PTPRD: variants seen among roughly 807,000 people sequenced by gnomAD.
PTPRD encodes protein tyrosine phosphatase receptor type D, also known as receptor-type tyrosine-protein phosphatase delta.
In PTPRD, 34 loss-of-function variants were observed where a neutral mutation model predicts 214.5. That is an observed-to-expected ratio of 0.16 (90% confidence interval 0.12 to 0.21). PTPRD has a LOEUF of 0.21. PTPRD is among the 10% of genes least tolerant of loss of function. The pLI is 1.00. For missense variants in PTPRD, 2,545 were observed against 2,398.7 expected (o/e 1.06, Z -1.27); for synonymous variants, 1,128 against 845.7 (o/e 1.33, Z -5.79).
chr9:9,762,612 C>A (rs1362632253), intron 6 of PTPRD, among the ~76,000 whole-genome samples: 1 of 152,206 alleles, frequency 6.6e-6, no homozygotes, highest in Non-Finnish European at 1.5e-5. Flanking sequence ...GAACACTATT[C>A]AGCCAAGTTC....
At chr9:10,428,515 C>T (rs894505079) in intron 2 of PTPRD, among the ~76,000 whole-genome samples, 39 of 152,020 alleles carry the variant, frequency 2.6e-4, no homozygotes, top group African/African-American at 8.7e-4. Flanking sequence ...CCTATGTTTA[C>T]TTTATATTTT....
chr9:10,432,436 TAAAA>T (rs377048656), intron 2 of PTPRD, among the ~76,000 whole-genome samples: 1 of 147,356 alleles, frequency 6.8e-6, no homozygotes, highest in South Asian at 2.2e-4. Flanking sequence ...TAAAGTATAA[TAAAA>T]AAAAAAGAAA....
intron 2 of PTPRD, among the ~76,000 whole-genome samples, chr9:10,407,796 C>T (rs1007804316): frequency 6.6e-6 from 1 of 151,402 alleles, no homozygotes; most frequent in Non-Finnish European, 1.5e-5. Flanking sequence ...AAATGGTAAC[C>T]TGCTAGAAGG....
chr9:8,436,839 G>A (rs910165225), intron 34 of PTPRD, 150 bp from the exon 35 acceptor site: 1 of 652,226 alleles, frequency 1.5e-6, no homozygotes, highest in African/African-American at 1.8e-5. Context: ...CAAATAGTTT[G>A]GTTACTCAAA....
At chr9:9,119,556 G>C (rs2099815629) in intron 10 of PTPRD, among the ~76,000 whole-genome samples, 1 of 149,488 alleles carries the variant, frequency 6.7e-6, no homozygotes, top group African/African-American at 2.5e-5. Context: ...TTTTTAAGAA[G>C]TCTCAGTCTG....
At chr9:10,217,078 G>C (rs1457558596) in intron 3 of PTPRD, among the ~76,000 whole-genome samples, 1 of 151,782 alleles carries the variant, frequency 6.6e-6, no homozygotes, top group East Asian at 1.9e-4. Flanking sequence ...TCATTTACTT[G>C]ACTCTTCTGT....
intron 14 of PTPRD, among the ~76,000 whole-genome samples, chr9:8,553,432 C>A (rs1777829381): frequency 6.6e-6 from 1 of 152,136 alleles, no homozygotes; most frequent in Non-Finnish European, 1.5e-5. Flanking sequence ...CATGTATCTT[C>A]TGATAAGTTG....
rs1245102847 is a variant in PTPRD at position 8,329,956 on chromosome 9, GGA to G, written c.5534+1624_5534+1625del. Among the ~76,000 whole-genome samples the G allele has an allele frequency of 3.8e-4, 21 of 55,344 alleles. No homozygotes were observed. The African/African-American group carries it at 1.0e-2, about 26-fold the overall frequency. The allele number at this position is 55,344 out of a possible 152,430, so 36.3% of individuals were successfully genotyped here. On this transcript the variant is annotated intron_variant, in intron 44 of 45. Coordinates refer to ENST00000381196, the MANE Select transcript of PTPRD (RefSeq NM_002839.4). Reference sequence around the variant, plus strand: ...GGATCGTATCTTGCTGGGCTCTGTGGGAGTGGATCGTATCTTGCTGGGCTCTG... The same window carrying G: ...GGATCGTATCTTGCTGGGCTCTGTGGGTGGATCGTATCTTGCTGGGCTCTG...
chr9:8,612,122 C>G (rs1420817470), intron 14 of PTPRD, among the ~76,000 whole-genome samples: 1 of 150,684 alleles, frequency 6.6e-6, no homozygotes, highest in Non-Finnish European at 1.5e-5. Flanking sequence ...GAAAACAAAA[C>G]AAAACAAAAC....
At chr9:10,411,213 TC>T (rs1267012163) in intron 2 of PTPRD, among the ~76,000 whole-genome samples, 3 of 151,774 alleles carry the variant, frequency 2.0e-5, no homozygotes, top group Non-Finnish European at 2.9e-5. Flanking sequence ...TTTGTATTTT[TC>T]AATAGGCCTC....
At chr9:9,216,194 C>T (rs1390126343) in intron 9 of PTPRD, among the ~76,000 whole-genome samples, 1 of 152,110 alleles carries the variant, frequency 6.6e-6, no homozygotes, top group Non-Finnish European at 1.5e-5. Flanking sequence ...ATTGCATATG[C>T]TTTTGTATGT....
chr9:9,275,184 TTATATATATATATATTATATA>T lies in PTPRD; in HGVS notation c.-202-91842_-202-91822del, dbSNP rs1367994826. Among the ~76,000 whole-genome samples, 148 of 21,436 alleles carry T rather than the reference TTATATATATATATATTATATA, an allele frequency of 6.9e-3. 4 individuals are homozygous for T. The highest frequency in any genetic ancestry group is 0.027 in the African/African-American group (147 of 5,416). The allele number at this position is 21,436 out of a possible 152,430, so 14.1% of individuals were successfully genotyped here. A position where few individuals can be genotyped will look rare whatever the true frequency, so the allele number is the denominator to read the frequency against. On this transcript the variant is annotated intron_variant, in intron 9 of 45. Coordinates refer to ENST00000381196, the MANE Select transcript of PTPRD (RefSeq NM_002839.4). The stretch of plus-strand genomic sequence containing the variant: ...ATATAACATATATATAATATATATG[TTATATATATATATATTATATA>T]TATATATATATAACCATTAGCATTT...
Position 8,993,205 on chromosome 9 carries a change from C to G in PTPRD, c.-104+25492G>C, listed in dbSNP as rs547476324. On this transcript the variant is annotated intron_variant, in intron 11 of 45. Coordinates refer to ENST00000381196, the MANE Select transcript of PTPRD (RefSeq NM_002839.4). ...CATTCCCTTGGCCCAGAGAACCTGG[C>G]TCTAAGGTTAGAACCATTGTCCTCT... Among the ~76,000 whole-genome samples, 3 of 152,236 alleles carry G rather than the reference C, an allele frequency of 2.0e-5. No homozygotes were observed. In the East Asian group the frequency reaches 5.8e-4, roughly 29 times the overall value.
At chr9:9,673,494 G>T (rs1243690404) in intron 7 of PTPRD, among the ~76,000 whole-genome samples, 1 of 151,604 alleles carries the variant, frequency 6.6e-6, no homozygotes, top group African/African-American at 2.4e-5. Flanking sequence ...TGTAGACACA[G>T]TAAAAGAAAG....
chr9:9,111,583 G>A (rs1382975468), intron 10 of PTPRD, among the ~76,000 whole-genome samples: 2 of 152,130 alleles, frequency 1.3e-5, no homozygotes, highest in African/African-American at 2.4e-5. Context: ...GTAACTATCA[G>A]ATTGCATTTT....
At chr9:9,014,646 T>C (rs773197978) in intron 11 of PTPRD, among the ~76,000 whole-genome samples, 7 of 152,154 alleles carry the variant, frequency 4.6e-5, no homozygotes, top group Non-Finnish European at 1.0e-4. Context: ...ACTGTCATCT[T>C]TATCAAGCAG....
At chr9:9,785,089 G>C (rs984067342) in intron 5 of PTPRD, among the ~76,000 whole-genome samples, 9 of 151,402 alleles carry the variant, frequency 5.9e-5, no homozygotes, top group African/African-American at 1.7e-4. Flanking sequence ...TATAAAATAA[G>C]TAGGAACAAA....
At chr9:10,153,992 G>A (rs2099078166) in intron 3 of PTPRD, among the ~76,000 whole-genome samples, 1 of 152,036 alleles carries the variant, frequency 6.6e-6, no homozygotes, top group Admixed American at 6.6e-5. Context: ...AATGTTGAGG[G>A]TATACCCAGT....
intron 2 of PTPRD, among the ~76,000 whole-genome samples, chr9:10,409,832 C>CAGCA (rs2098415945): frequency 6.6e-6 from 1 of 151,684 alleles, no homozygotes; most frequent in South Asian, 2.1e-4. Flanking sequence ...TACTAACAGC[C>CAGCA]AGCACCACAA....
Sources: gnomAD v4.1 joint callset for allele counts (sites outside exome capture counted in the v4.1 genomes callset) on GRCh38, gnomAD v4.1.1 for gene constraint, MANE v1.5 for transcripts, NCBI Gene and HGNC (gene_info 2026-07-23, HGNC 2026-07-21) for gene names.